The following BTRC variants were observed in gnomAD, a reference collection of about 807,000 sequenced individuals.
BTRC encodes beta-transducin repeat containing E3 ubiquitin protein ligase, also known as F-box/WD repeat-containing protein 1A.
BTRC carries 42 observed loss-of-function variants against 85.5 expected under a neutral mutation model. That is an observed-to-expected ratio of 0.49 (90% CI 0.38 to 0.64). The LOEUF (loss-of-function observed/expected upper bound fraction) is 0.64, where lower values mean the gene tolerates loss of function less well. BTRC is among the 30% of genes least tolerant of loss of function. BTRC has a pLI of 0.00. For missense variants in BTRC, 594 were observed against 743.5 expected (o/e 0.80, Z 2.34); for synonymous variants, 255 against 263.3 (o/e 0.97, Z 0.30).
At position 101,495,278 on chromosome 10, in the gene BTRC, C is replaced by A. The variant is rs574349022; in HGVS notation, c.324+15821C>A. Reference sequence around the variant, plus strand: ...TTGCCACAAACCATGAATAAATATTCTGAATTATCTAATATTATAGCAGTT... The same window carrying A: ...TTGCCACAAACCATGAATAAATATTATGAATTATCTAATATTATAGCAGTT... On this transcript the variant is annotated intron_variant, in intron 4 of 14. Coordinates refer to ENST00000370187, the MANE Select transcript of BTRC (RefSeq NM_033637.4). Among the ~76,000 whole-genome samples, 40 of 152,294 alleles carry A rather than the reference C, an allele frequency of 2.6e-4. 1 individual carries two copies. In the South Asian group the frequency reaches 6.8e-3, roughly 26 times the overall value.
At chr10:101,441,830 G>A (rs1157872156) in intron 2 of BTRC, among the ~76,000 whole-genome samples, 2 of 129,910 alleles carry the variant, frequency 1.5e-5, no homozygotes, top group African/African-American at 5.9e-5. Flanking sequence ...GCAGTCAGCC[G>A]AGATCACACC....
intron 1 of BTRC, among the ~76,000 whole-genome samples, chr10:101,392,034 C>T (rs1303974906): frequency 1.3e-5 from 2 of 152,074 alleles, no homozygotes; most frequent in Non-Finnish European, 2.9e-5. Flanking sequence ...GGCTGGAGTG[C>T]AGTGCCGCTA....
intron 13 of BTRC, among the ~76,000 whole-genome samples, chr10:101,541,330 G>C (rs188211834): frequency 6.6e-6 from 1 of 151,624 alleles, no homozygotes; most frequent in African/African-American, 2.4e-5. Flanking sequence ...CGCGATCTCA[G>C]CGCACTGCAA....
intron 1 of BTRC, among the ~76,000 whole-genome samples, chr10:101,425,284 A>T (rs1378959066): frequency 6.6e-6 from 1 of 152,104 alleles, no homozygotes; most frequent in East Asian, 1.9e-4. Context: ...AGTAGAAAAC[A>T]TGTTCAGTCT....
At chr10:101,459,135 C>T (rs1274363816) in intron 2 of BTRC, among the ~76,000 whole-genome samples, 2 of 152,132 alleles carry the variant, frequency 1.3e-5, no homozygotes, top group Non-Finnish European at 2.9e-5. Context: ...ATGATTCTTC[C>T]TTATATTAAT....
intron 9 of BTRC, 132 bp from the exon 10 acceptor site, chr10:101,534,529 A>G: frequency 8.4e-7 from 1 of 1,195,550 alleles, no homozygotes; most frequent in Non-Finnish European, 1.2e-6. Flanking sequence ...GCAGCATCCC[A>G]TCCCCTTCCT....
At chr10:101,391,200 A>G (rs780335458) in intron 1 of BTRC, among the ~76,000 whole-genome samples, 72 of 152,204 alleles carry the variant, frequency 4.7e-4, no homozygotes, top group African/African-American at 1.3e-3. Flanking sequence ...AAGCAGTTAT[A>G]TTAGGCTTGG....
chr10:101,550,628 T>C, intron 13 of BTRC, 71 bp from the exon 14 acceptor site: 1 of 1,496,240 alleles, frequency 6.7e-7, no homozygotes, highest in Non-Finnish European at 9.2e-7. Flanking sequence ...CCTTTTGACA[T>C]GTTGCTGAAT....
chr10:101,390,460 C>T (rs1943208597), intron 1 of BTRC, among the ~76,000 whole-genome samples: 1 of 151,192 alleles, frequency 6.6e-6, no homozygotes, highest in South Asian at 2.1e-4. Context: ...GCCTCAGTCT[C>T]CTGAGTAGCT....
chr10:101,442,840 T>C (rs1944722682), intron 2 of BTRC, among the ~76,000 whole-genome samples: 1 of 151,994 alleles, frequency 6.6e-6, no homozygotes, highest in African/African-American at 2.4e-5. Context: ...TGATTATGCT[T>C]ATATTAATTA....
At chr10:101,467,440 A>C (rs1159263173) in intron 3 of BTRC, among the ~76,000 whole-genome samples, 1 of 152,042 alleles carries the variant, frequency 6.6e-6, no homozygotes, top group African/African-American at 2.4e-5. Context: ...TTGCTCGAGA[A>C]AACCCATTCC....
chr10:101,378,780 C>G (rs1942857137), intron 1 of BTRC, among the ~76,000 whole-genome samples: 1 of 134,446 alleles, frequency 7.4e-6, no homozygotes, highest in Admixed American at 7.7e-5. Context: ...CCACTTCGGC[C>G]TCCCAAAGTG....
intron 6 of BTRC, among the ~76,000 whole-genome samples, chr10:101,526,652 C>T (rs1222397133): frequency 6.6e-6 from 1 of 151,958 alleles, no homozygotes; most frequent in Non-Finnish European, 1.5e-5. Flanking sequence ...TGGTGGCGTG[C>T]ACCTGTAATC....
At chr10:101,511,018 T>TGGCAGC (rs1028668949) in intron 4 of BTRC, among the ~76,000 whole-genome samples, 31 of 152,306 alleles carry the variant, frequency 2.0e-4, no homozygotes, top group African/African-American at 7.2e-4. Context: ...ATTCTCTGTG[T>TGGCAGC]GGCAGCTAGT....
At chr10:101,448,938 A>C (rs544008353) in intron 2 of BTRC, among the ~76,000 whole-genome samples, 122 of 152,154 alleles carry the variant, frequency 8.0e-4, no homozygotes, top group African/African-American at 2.8e-3. Context: ...TGGTATTTGT[A>C]ATTTTAAAGA....
chr10:101,497,682 G>C (rs918362387), intron 4 of BTRC, among the ~76,000 whole-genome samples: 5 of 152,048 alleles, frequency 3.3e-5, no homozygotes, highest in Admixed American at 6.6e-5. Flanking sequence ...CTCCAGGCTG[G>C]GTGATAGAGT....
chr10:101,421,378 G>C (rs1419409278), intron 1 of BTRC, among the ~76,000 whole-genome samples: 1 of 151,950 alleles, frequency 6.6e-6, no homozygotes, highest in Non-Finnish European at 1.5e-5. Context: ...CACTATTCTA[G>C]ATAGTCAGAA....
At chr10:101,416,480 T>C (rs1440912410) in intron 1 of BTRC, among the ~76,000 whole-genome samples, 1 of 152,196 alleles carries the variant, frequency 6.6e-6, no homozygotes, top group East Asian at 1.9e-4. Flanking sequence ...TTGAGGCATC[T>C]CTGTTTTTGG....
At chr10:101,410,541 G>T (rs949334640) in intron 1 of BTRC, among the ~76,000 whole-genome samples, 1 of 152,006 alleles carries the variant, frequency 6.6e-6, no homozygotes, top group African/African-American at 2.4e-5. Flanking sequence ...TTGAATCTGG[G>T]AGTCGGAGAT....
Sources: gnomAD v4.1 joint callset for allele counts (sites outside exome capture counted in the v4.1 genomes callset) on GRCh38, gnomAD v4.1.1 for gene constraint, MANE v1.5 for transcripts, NCBI Gene and HGNC (gene_info 2026-07-23, HGNC 2026-07-21) for gene names.